RFX4: variants seen among roughly 807,000 people sequenced by gnomAD.
RFX4 encodes the protein regulatory factor X4, also known as transcription factor RFX4.
Under a neutral mutation model 95.0 loss-of-function variants are expected in RFX4, and 10 were observed. That is an observed-to-expected ratio of 0.11 (90% CI 0.06 to 0.18). The LOEUF is 0.18. RFX4 is among the 10% of genes least tolerant of loss of function. The pLI is 1.00. For synonymous variants in RFX4, 321 were observed against 340.7 expected (o/e 0.94, Z 0.64); for missense variants, 640 against 922.0 (o/e 0.69, Z 3.96).
At chr12:106,744,977 A>G (rs979004958) in intron 15 of RFX4, among the ~76,000 whole-genome samples, 1 of 152,142 alleles carries the variant, frequency 6.6e-6, no homozygotes, top group Admixed American at 6.5e-5. Context: ...AATTTGGAGG[A>G]CAGTAAACTC....
intron 7 of RFX4, 138 bp downstream of exon 7, chr12:106,689,502 C>A: frequency 1.4e-6 from 1 of 694,814 alleles, no homozygotes; most frequent in Non-Finnish European, 2.6e-6. Flanking sequence ...TCACTTCATC[C>A]TCATGAGATC....
intron 1 of RFX4, among the ~76,000 whole-genome samples, chr12:106,591,025 A>G (rs780548734): frequency 2.2e-4 from 34 of 152,148 alleles, no homozygotes; most frequent in Non-Finnish European, 4.1e-4. Context: ...CTTATCCAAG[A>G]GATGAGTAAG....
chr12:106,753,831 C>T (rs865896245), intron 17 of RFX4, among the ~76,000 whole-genome samples: 7 of 152,196 alleles, frequency 4.6e-5, no homozygotes, highest in Non-Finnish European at 8.8e-5. Flanking sequence ...GTGCTGAGCA[C>T]GCTCACTCTA....
chr12:106,708,136 A>G (rs2042122167), intron 8 of RFX4, among the ~76,000 whole-genome samples: 1 of 152,218 alleles, frequency 6.6e-6, no homozygotes, highest in Admixed American at 6.5e-5. Context: ...TGTCTCCTAA[A>G]AAAACTGATG....
Position 106,761,960 on chromosome 12 carries a change from C to T in RFX4, c.*491C>T, listed in dbSNP as rs536334867. ...TACTGTACAAGGAACAGCCCTCAGACGTGTTCTGCACATCCCTTCTTCCTG... is the reference window on the plus strand; with the variant it reads ...TACTGTACAAGGAACAGCCCTCAGATGTGTTCTGCACATCCCTTCTTCCTG... On this transcript the variant is annotated 3_prime_UTR_variant, in exon 18 of 18. Transcript: ENST00000392842. 12 of 152,832 alleles carry T rather than the reference C, an allele frequency of 7.9e-5. No homozygotes were observed. Among genetic ancestry groups the T allele is most frequent in the African/African-American group, 2.6e-4 (11 of 41,580 alleles). 9.5% of individuals were successfully genotyped at this position (152,832 alleles called of 1,614,324 possible).
At chr12:106,615,134 A>G (rs1050981084) in intron 2 of RFX4, among the ~76,000 whole-genome samples, 4 of 152,172 alleles carry the variant, frequency 2.6e-5, no homozygotes, top group African/African-American at 4.8e-5. Flanking sequence ...TTTTATATCA[A>G]TAGTTCATCT....
intron 4 of RFX4, among the ~76,000 whole-genome samples, chr12:106,654,736 G>C (rs2040922245): frequency 6.6e-6 from 1 of 152,142 alleles, no homozygotes; most frequent in Non-Finnish European, 1.5e-5. Context: ...TTAGATTGGA[G>C]GTGTGGGAGT....
At chr12:106,615,314 T>G (rs2040052267) in intron 2 of RFX4, among the ~76,000 whole-genome samples, 1 of 152,216 alleles carries the variant, frequency 6.6e-6, no homozygotes, top group Non-Finnish European at 1.5e-5. Context: ...GGTCTGGACT[T>G]TTATTCCAAA....
intron 13 of RFX4, among the ~76,000 whole-genome samples, chr12:106,730,892 G>T (rs1275046002): frequency 6.6e-6 from 1 of 152,094 alleles, no homozygotes; most frequent in Non-Finnish European, 1.5e-5. Flanking sequence ...CCCAGCTACT[G>T]GGGAGGCTGA....
chr12:106,657,354 C>T (rs969758680), intron 4 of RFX4, among the ~76,000 whole-genome samples: 2 of 152,208 alleles, frequency 1.3e-5, no homozygotes, highest in African/African-American at 4.8e-5. Flanking sequence ...GACATCAATG[C>T]TGAAGCTGTC....
chr12:106,665,703 A>G (rs2041161455), intron 4 of RFX4, among the ~76,000 whole-genome samples: 1 of 151,932 alleles, frequency 6.6e-6, no homozygotes, highest in Non-Finnish European at 1.5e-5. Context: ...AATTTGCAAT[A>G]TATATTTACA....
rs2042382887 is a variant in RFX4, at chr12:106,720,781, C to T, written c.1256C>T (p.Ser419Phe). ...VVKVAAKRQG[S>F]LKKVAQQFLL... ...TAGGTGGCTGCCAAGAGACAAGGGT[C>T]CTTGAAGAAAGTGGCCCAGCAGTTC... The change falls in exon 13 of 18, where the codon TCC becomes TTC. Residue 419 changes from serine to phenylalanine, a missense_variant. Physicochemically the swap from Ser to Phe is radical, Grantham distance 155. This residue lies in a region of RFX4 where 72 missense variants were observed against 80.5 expected (regional missense o/e 0.89). Transcript: ENST00000392842. The surrounding 1 kb of genome is among the most constrained non-coding windows in gnomAD (Gnocchi z 4.2). The T allele has an allele frequency of 3.1e-6, 5 of 1,613,854 alleles. No homozygotes were observed. The highest frequency in any genetic ancestry group is 4.5e-5 in the East Asian group (2 of 44,888).
intron 10 of RFX4, among the ~76,000 whole-genome samples, chr12:106,714,208 G>T (rs977887964): frequency 1.3e-5 from 2 of 150,910 alleles, no homozygotes; most frequent in Non-Finnish European, 2.9e-5. Flanking sequence ...AAAAAAAAAA[G>T]GTAGGTACTA....
At chr12:106,674,450 C>T (rs2137377197) in intron 4 of RFX4, among the ~76,000 whole-genome samples, 1 of 152,128 alleles carries the variant, frequency 6.6e-6, no homozygotes, top group Non-Finnish European at 1.5e-5. Flanking sequence ...CCTGCCTCAG[C>T]CTCCTAAGTA....
intron 3 of RFX4, 148 bp from the exon 4 acceptor site, chr12:106,654,080 G>T: frequency 9.4e-7 from 1 of 1,069,492 alleles, no homozygotes. Flanking sequence ...TGGGCAGCTT[G>T]CTTTGTCTTC....
Position 106,586,142 on chromosome 12 carries a change from G to A in RFX4, c.43+2779G>A, listed in dbSNP as rs1446297587. On this transcript the variant is annotated intron_variant, in intron 1 of 17. Coordinates refer to ENST00000392842, the MANE Select transcript of RFX4 (RefSeq NM_213594.3). The surrounding 1 kb of genome is among the most constrained non-coding windows in gnomAD (Gnocchi z 5.6). Reference sequence around the variant, plus strand: ...CCTCTCGGAGGCAAAGCCCCAGCTTGCCGCGCGCCGCGGTGCTCCGGCAGG... The same window carrying A: ...CCTCTCGGAGGCAAAGCCCCAGCTTACCGCGCGCCGCGGTGCTCCGGCAGG... 6.6e-6 allele frequency among the ~76,000 whole-genome samples: 1 copy of A among 152,184 alleles called. No homozygotes were observed. Among genetic ancestry groups the A allele is most frequent in the Non-Finnish European group, 1.5e-5 (1 of 68,030 alleles).
chr12:106,622,768 G>C (rs560163526), intron 2 of RFX4, among the ~76,000 whole-genome samples: 1 of 151,446 alleles, frequency 6.6e-6, no homozygotes, highest in South Asian at 2.1e-4. Flanking sequence ...CTACAGGCAC[G>C]TGCCACCACG....
At chr12:106,618,699 GTCTGATAA>G (rs1447424190) in intron 2 of RFX4, among the ~76,000 whole-genome samples, 1 of 151,992 alleles carries the variant, frequency 6.6e-6, no homozygotes, top group East Asian at 1.9e-4. Flanking sequence ...ACAAAACCCA[GTCTGATAA>G]TCTTTGAATT....
intron 17 of RFX4, among the ~76,000 whole-genome samples, chr12:106,755,991 T>A (rs2043100811): frequency 6.6e-6 from 1 of 152,228 alleles, no homozygotes; most frequent in African/African-American, 2.4e-5. Flanking sequence ...AAGTCATTTG[T>A]TTTCAAAATA....
Sources: gnomAD v4.1 joint callset for allele counts (sites outside exome capture counted in the v4.1 genomes callset) on GRCh38, gnomAD v4.1.1 for gene constraint, gnomAD v4.1.1 regional missense constraint, Gnocchi (gnomAD v3.1) non-coding constraint, MANE v1.5 for transcripts, NCBI Gene and HGNC (gene_info 2026-07-23, HGNC 2026-07-21) for gene names.